RNF220: variants seen among roughly 807,000 people sequenced by gnomAD.
The protein encoded by RNF220 is E3 ubiquitin-protein ligase RNF220.
RNF220 carries 7 observed loss-of-function variants against 67.1 expected under a neutral mutation model. The ratio of observed to expected loss-of-function variants is 0.10; its 90% CI spans 0.06 to 0.20. The LOEUF (loss-of-function observed/expected upper bound fraction) is 0.20, where lower values mean the gene tolerates loss of function less well. Among genes scored for constraint, RNF220 ranks in the 10% least tolerant of loss-of-function variants. RNF220 has a pLI of 1.00. For synonymous variants in RNF220, 270 were observed against 283.2 expected, an observed-to-expected ratio of 0.95 and a Z score of 0.47; for missense variants, 565 against 740.3, an observed-to-expected ratio of 0.76 and a Z score of 2.75.
chr1:44,409,329 T>C (rs1216190153), intron 1 of RNF220, among the ~76,000 whole-genome samples: 1 of 152,258 alleles, frequency 6.6e-6, no homozygotes, highest in Non-Finnish European at 1.5e-5. Context: ...GCTTCGTGGA[T>C]TGATCCCTCC....
At chr1:44,429,733 T>C (rs1237914810) in intron 2 of RNF220, among the ~76,000 whole-genome samples, 2 of 151,650 alleles carry the variant, frequency 1.3e-5, no homozygotes, top group Non-Finnish European at 1.5e-5. Context: ...GATGAAGGAG[T>C]GGGGAAACAG....
At chr1:44,421,600 G>T (rs72893850) in intron 2 of RNF220, among the ~76,000 whole-genome samples, 15 of 150,028 alleles carry the variant, frequency 1.0e-4, no homozygotes, top group South Asian at 4.2e-4. Flanking sequence ...GAGATGGGGG[G>T]GCTGCCTGGG....
chr1:44,546,485 G>T (rs1010679782), intron 2 of RNF220, among the ~76,000 whole-genome samples: 2 of 152,102 alleles, frequency 1.3e-5, no homozygotes, highest in Non-Finnish European at 2.9e-5. Context: ...ATGCTGCTGC[G>T]GGTCCCCAGC....
intron 2 of RNF220, among the ~76,000 whole-genome samples, chr1:44,523,642 G>T (rs1446040888): frequency 2.6e-5 from 4 of 152,184 alleles, no homozygotes; most frequent in Non-Finnish European, 4.4e-5. Flanking sequence ...GGTGCAGAAG[G>T]AGCAGGAACA....
chr1:44,413,099 C>T (rs1231097486), intron 2 of RNF220, among the ~76,000 whole-genome samples: 4 of 152,152 alleles, frequency 2.6e-5, no homozygotes, highest in Non-Finnish European at 5.9e-5. Flanking sequence ...CCCCTCCTCT[C>T]TTTGCTGTCC....
At chr1:44,492,835 G>C (rs913529630) in intron 2 of RNF220, among the ~76,000 whole-genome samples, 7 of 152,124 alleles carry the variant, frequency 4.6e-5, no homozygotes, top group Admixed American at 4.6e-4. Context: ...AAAGCCATTT[G>C]TAGTGACGGC....
At chr1:44,589,445 TC>T (rs1558070635) in intron 2 of RNF220, among the ~76,000 whole-genome samples, 1 of 152,008 alleles carries the variant, frequency 6.6e-6, no homozygotes, top group Admixed American at 6.6e-5. Context: ...AAACCCCGTC[TC>T]TACTAAAAAT....
At chr1:44,599,519 G>T (rs1346675983) in intron 2 of RNF220, among the ~76,000 whole-genome samples, 1 of 152,144 alleles carries the variant, frequency 6.6e-6, no homozygotes, top group African/African-American at 2.4e-5. Flanking sequence ...CAAAAAGTTA[G>T]CTGGGCATGG....
At chr1:44,502,964 G>A (rs1179108939) in intron 2 of RNF220, among the ~76,000 whole-genome samples, 3 of 151,964 alleles carry the variant, frequency 2.0e-5, no homozygotes, top group Non-Finnish European at 4.4e-5. Flanking sequence ...GAGAGATGGG[G>A]TCTTGCTGTG....
chr1:44,620,123 G>A (rs79174154), intron 3 of RNF220, among the ~76,000 whole-genome samples: 33,953 of 152,130 alleles, frequency 0.22, 5,041 homozygotes, highest in Middle Eastern at 0.33. Context: ...TCTATCCTAA[G>A]CCCTGAGTGT....
chr1:44,597,692 C>A (rs1666616911), intron 2 of RNF220, among the ~76,000 whole-genome samples: 1 of 152,100 alleles, frequency 6.6e-6, no homozygotes, highest in Non-Finnish European at 1.5e-5. Flanking sequence ...CACACACGCA[C>A]CTCTCTGTCT....
chr1:44,586,507 C>T (rs1156281929), intron 2 of RNF220, among the ~76,000 whole-genome samples: 2 of 151,970 alleles, frequency 1.3e-5, no homozygotes, highest in Admixed American at 6.6e-5. Flanking sequence ...CTCCAGGGAC[C>T]CAGGGAGCTG....
intron 2 of RNF220, among the ~76,000 whole-genome samples, chr1:44,499,513 T>C (rs1397835700): frequency 2.0e-5 from 3 of 152,132 alleles, no homozygotes; most frequent in Admixed American, 2.0e-4. Flanking sequence ...GGACACACCC[T>C]CTGTTGGTTC....
At chr1:44,481,585 CAGAA>C (rs1655817238) in intron 2 of RNF220, among the ~76,000 whole-genome samples, 1 of 152,240 alleles carries the variant, frequency 6.6e-6, no homozygotes, top group South Asian at 2.1e-4. Context: ...TCAATAGGAG[CAGAA>C]ACCACCATGG....
chr1:44,539,206 G>C (rs1032290570), intron 2 of RNF220, among the ~76,000 whole-genome samples: 3 of 152,082 alleles, frequency 2.0e-5, no homozygotes, highest in African/African-American at 7.2e-5. Context: ...GGGTGACAGA[G>C]TGAGACTCCA....
intron 2 of RNF220, among the ~76,000 whole-genome samples, chr1:44,447,556 T>C (rs1212207921): frequency 6.6e-6 from 1 of 152,214 alleles, no homozygotes; most frequent in Non-Finnish European, 1.5e-5. Flanking sequence ...AAAAGCTGAC[T>C]TGAACCACTA....
chr1:44,611,178 T>G (rs1255377936), intron 2 of RNF220, among the ~76,000 whole-genome samples: 2 of 151,596 alleles, frequency 1.3e-5, no homozygotes, highest in East Asian at 3.9e-4. Flanking sequence ...AAAATGGGGG[T>G]GGGATGGAGG....
chr1:44,483,795 A>G (rs7545656), intron 2 of RNF220, among the ~76,000 whole-genome samples: 13,041 of 152,224 alleles, frequency 0.086, 1,608 homozygotes, highest in African/African-American at 0.27. Context: ...ATATTTCATT[A>G]TTTTGTTTAA....
chr1:44,526,615 A>T (rs1248113205), intron 2 of RNF220, among the ~76,000 whole-genome samples: 2 of 152,072 alleles, frequency 1.3e-5, no homozygotes, highest in Non-Finnish European at 2.9e-5. Context: ...ATCTGGCACC[A>T]CCATCTCTTC....
Sources: gnomAD v4.1 joint callset for allele counts (sites outside exome capture counted in the v4.1 genomes callset) on GRCh38, gnomAD v4.1.1 for gene constraint, MANE v1.5 for transcripts, NCBI Gene and HGNC (gene_info 2026-07-23, HGNC 2026-07-21) for gene names.